Variants in CAPN2 observed in about 807,000 individuals in gnomAD.
The protein encoded by CAPN2 is calpain 2.
In CAPN2, 92 loss-of-function variants were observed where a neutral mutation model predicts 102.3. That is an observed-to-expected ratio of 0.90 (90% CI 0.76 to 1.07). The LOEUF is 1.07. CAPN2 is among the 50% of genes least tolerant of loss of function. CAPN2 has a pLI of 0.00. For missense variants in CAPN2, 800 were observed against 909.4 expected (o/e 0.88, Z 1.55); for synonymous variants, 340 against 355.4 (o/e 0.96, Z 0.49).
intron 2 of CAPN2, among the ~76,000 whole-genome samples, chr1:223,738,068 A>C (rs753070741): frequency 3.9e-5 from 6 of 152,202 alleles, no homozygotes; most frequent in Non-Finnish European, 8.8e-5. Context: ...TCCTTCTCTT[A>C]GATTTTTTTC....
At chr1:223,712,056 T>C (rs1224330267), upstream of CAPN2, among the ~76,000 whole-genome samples, 1 of 152,230 alleles carries the variant, frequency 6.6e-6, no homozygotes, top group Non-Finnish European at 1.5e-5. Context: ...TCTCCGAGGC[T>C]CAGTTTTCTC....
chr1:223,755,116 C>T lies in CAPN2; in HGVS notation c.1136-364C>T, dbSNP rs3820481. Among the ~76,000 whole-genome samples, 666 of 152,302 alleles carry T rather than the reference C, an allele frequency of 4.4e-3. 29 individuals are homozygous for T. In the East Asian group the frequency reaches 0.11, roughly 24 times the overall value. On this transcript the variant is annotated intron_variant, in intron 9 of 20. Transcript: ENST00000295006. This position sits in a 1 kb window ranked among gnomAD's most constrained non-coding sequence, Gnocchi z 4.1. ...AGCCTAACAAAGCCTGCAGTCCACACTCCAACCCTGGTGTCTCCCACCTCC... is the reference window on the plus strand; with the variant it reads ...AGCCTAACAAAGCCTGCAGTCCACATTCCAACCCTGGTGTCTCCCACCTCC...
chr1:223,745,849 C>T (rs1660739275), intron 4 of CAPN2, among the ~76,000 whole-genome samples: 1 of 152,210 alleles, frequency 6.6e-6, no homozygotes, highest in Admixed American at 6.5e-5. Flanking sequence ...CTTGACAGGA[C>T]ACATTTGTAT....
rs988622068 is a variant in CAPN2, at chr1:223,731,479, C to G, written c.308-12621C>G. ...CCGCTCTAAGCCTTCCTCGCCCACC[C>G]CAGCCCTCCTACAGTCCCAGTCTGC... On this transcript the variant is annotated intron_variant, in intron 2 of 20. Transcript: ENST00000295006. The surrounding 1 kb of genome is among the most constrained non-coding windows in gnomAD (Gnocchi z 4.2). Among the ~76,000 whole-genome samples the G allele has an allele frequency of 6.6e-6, 1 of 152,114 alleles. No homozygotes were observed. The highest frequency in any genetic ancestry group is 2.4e-5 in the African/African-American group (1 of 41,420).
chr1:223,769,698 T>G (rs1432736171), intron 16 of CAPN2, 143 bp from the exon 17 acceptor site: 8 of 681,798 alleles, frequency 1.2e-5, no homozygotes, highest in African/African-American at 8.9e-5. Context: ...GTTTAGCCAG[T>G]GGGAAAAGCA....
chr1:223,746,949 G>A (rs954657196), intron 4 of CAPN2, 48 bp from the exon 5 acceptor site: 17 of 1,536,128 alleles, frequency 1.1e-5, no homozygotes, highest in Non-Finnish European at 1.5e-5. Flanking sequence ...AGAGATTATA[G>A]CATCAGTAGT....
rs1571821944 is a variant in CAPN2, at chr1:223,769,696, A to G, written c.1756-145A>G. The stretch of plus-strand genomic sequence containing the variant: ...CAATCCTTTAAATGGAGGTTTAGCC[A>G]GTGGGAAAAGCAGGAAAAGGATCCT... On this transcript the variant is annotated intron_variant, in intron 16 of 20. Transcript: ENST00000295006. The G allele has an allele frequency of 4.4e-6, 3 of 676,154 alleles. No homozygotes were observed. In the Middle Eastern group the frequency reaches 8.0e-4, roughly 181 times the overall value. The allele number at this position is 676,154 out of a possible 1,614,324, so 41.9% of individuals were successfully genotyped here.
At position 223,746,475 on chromosome 1, in the gene CAPN2, CT is replaced by C. The variant is rs60366533; in HGVS notation, c.561-501del. Among the ~76,000 whole-genome samples the C allele has an allele frequency of 0.011, 1,166 of 108,440 alleles. 36 individuals carry two copies. In the East Asian group the frequency reaches 0.12, roughly 11 times the overall value. The allele number at this position is 108,440 out of a possible 152,430, so 71.1% of individuals were successfully genotyped here. A position where few individuals can be genotyped will look rare whatever the true frequency, so the allele number is the denominator to read the frequency against. On this transcript the variant is annotated intron_variant, in intron 4 of 20. Coordinates refer to ENST00000295006, the MANE Select transcript of CAPN2 (RefSeq NM_001748.5). The stretch of plus-strand genomic sequence containing the variant: ...TCCGACTCTAAGGTTCTACGAGAAT[CT>C]TTTTTTTTTTTTTTTTTTTTAATAC...
rs1047778373 is a variant in CAPN2 at position 223,726,039 on chromosome 1, G to A, written c.307+8208G>A. On this transcript the variant is annotated intron_variant, in intron 2 of 20. Transcript: ENST00000295006. This position sits in a 1 kb window ranked among gnomAD's most constrained non-coding sequence, Gnocchi z 4.4. ...GGATCCGAGTGAGAAAGTTTCCCAC[G>A]TTCATTCTTGTTGGGCCCATTCTCA... Among the ~76,000 whole-genome samples, 3 of 152,056 alleles carry A rather than the reference G, an allele frequency of 2.0e-5. No homozygotes were observed. Among genetic ancestry groups the A allele is most frequent in the African/African-American group, 2.4e-5 (1 of 41,382 alleles).
intron 1 of CAPN2, among the ~76,000 whole-genome samples, chr1:223,715,175 A>G (rs934698224): frequency 4.6e-5 from 7 of 152,306 alleles, no homozygotes; most frequent in African/African-American, 1.4e-4. Flanking sequence ...TTTCCGCTGG[A>G]TTTGAACACT....
intron 19 of CAPN2, 43 bp from the exon 20 acceptor site, chr1:223,772,138 T>A: frequency 6.4e-7 from 1 of 1,557,618 alleles, no homozygotes; most frequent in Non-Finnish European, 8.9e-7. Flanking sequence ...GTGATCTGTT[T>A]CAGCTCACTC....
chr1:223,724,204 A>G (rs537996672), intron 2 of CAPN2, among the ~76,000 whole-genome samples: 87 of 152,258 alleles, frequency 5.7e-4, no homozygotes, highest in African/African-American at 2.1e-3. Flanking sequence ...GAGGAATTAT[A>G]TCTCCACCTT....
At chr1:223,736,700 G>C (rs1001850132) in intron 2 of CAPN2, among the ~76,000 whole-genome samples, 1 of 152,000 alleles carries the variant, frequency 6.6e-6, no homozygotes, top group African/African-American at 2.4e-5. Flanking sequence ...CTTCCCCCTG[G>C]GTATTTGCAG....
intron 1 of CAPN2, among the ~76,000 whole-genome samples, chr1:223,705,114 G>A (rs1022834784): frequency 2.0e-5 from 3 of 152,184 alleles, no homozygotes; most frequent in Non-Finnish European, 4.4e-5. Flanking sequence ...AGCCAGTGTC[G>A]GCACTACAGT....
At position 223,774,819 on chromosome 1, in the gene CAPN2, T is replaced by C. The variant is rs1661571995; in HGVS notation, c.2080-15T>C. ...AGTGGTCACTGAGCTGACTTTTTTTTTTCCTTCCTCACAGTGGCTCTGTTT... is the reference window on the plus strand; with the variant it reads ...AGTGGTCACTGAGCTGACTTTTTTTCTTCCTTCCTCACAGTGGCTCTGTTT... On this transcript the variant is annotated splice_polypyrimidine_tract_variant and intron_variant, in intron 20 of 20. Coordinates refer to ENST00000295006, the MANE Select transcript of CAPN2 (RefSeq NM_001748.5). The C allele has an allele frequency of 6.2e-7, 1 of 1,613,232 alleles. No individual in the cohort carries two copies. The highest frequency in any genetic ancestry group is 1.3e-5 in the African/African-American group (1 of 75,016).
At chr1:223,716,488 G>C (rs1190489899) in intron 1 of CAPN2, among the ~76,000 whole-genome samples, 2 of 152,140 alleles carry the variant, frequency 1.3e-5, no homozygotes, top group Non-Finnish European at 2.9e-5. Flanking sequence ...GGAGCAGAGA[G>C]AAACAAGGCA....
rs535748051 is a variant in CAPN2, at chr1:223,722,336, A to G, written c.307+4505A>G. 1.5e-4 allele frequency among the ~76,000 whole-genome samples: 18 copies of G among 116,992 alleles called. No homozygotes were observed. In the South Asian group the frequency reaches 1.7e-3, roughly 11 times the overall value. The allele number at this position is 116,992 out of a possible 152,430, so 76.8% of individuals were successfully genotyped here. A position where few individuals can be genotyped will look rare whatever the true frequency, so the allele number is the denominator to read the frequency against. On this transcript the variant is annotated intron_variant, in intron 2 of 20. Coordinates refer to ENST00000295006, the MANE Select transcript of CAPN2 (RefSeq NM_001748.5). ...AGGGTCTTGCTCTGTTGCCCAGACT[A>G]AAGTGCAGTAACAAAACCATAGCTC...
At position 223,759,356 on chromosome 1, in the gene CAPN2, C is replaced by T. The variant is rs1571813725; in HGVS notation, c.1404C>T (p.Leu468=). 1 of 1,614,222 alleles carries T rather than the reference C, an allele frequency of 6.2e-7. No homozygotes were observed. Among genetic ancestry groups the T allele is most frequent in the Non-Finnish European group, 8.5e-7 (1 of 1,180,034 alleles). The change falls in exon 12 of 21, where the codon CTC becomes CTT. Residue 468 remains leucine, a synonymous_variant. Coordinates refer to ENST00000295006, the MANE Select transcript of CAPN2 (RefSeq NM_001748.5). The surrounding 1 kb of genome is among the most constrained non-coding windows in gnomAD (Gnocchi z 4.6). ...AGCGCTCAGACACCTTCATCAACCT[C>T]CGGGAGGTGCTCAACCGCTTCAAGC... ...ARERSDTFIN[L]REVLNRFKLP... is the part of the protein sequence containing the mutation.
At position 223,748,722 on chromosome 1, in the gene CAPN2, C is replaced by A. The variant is rs543455618; in HGVS notation, c.730-317C>A. ...TCGAGGACCCCCTCCAGCCCTCTCT[C>A]GGCCGTGCGCCCTTTCCCGCCCTTC... On this transcript the variant is annotated intron_variant, in intron 5 of 20. Coordinates refer to ENST00000295006, the MANE Select transcript of CAPN2 (RefSeq NM_001748.5). Among the ~76,000 whole-genome samples, 101 of 151,156 alleles carry A rather than the reference C, an allele frequency of 6.7e-4. 1 individual carries two copies. The highest frequency in any genetic ancestry group is 2.5e-3 in the African/African-American group (100 of 40,508).
Sources: allele counts gnomAD v4.1 joint callset (sites outside exome capture counted in the v4.1 genomes callset), GRCh38; gene constraint gnomAD v4.1.1; non-coding constraint Gnocchi (gnomAD v3.1); transcripts MANE v1.5; gene names NCBI Gene and HGNC (gene_info 2026-07-23, HGNC 2026-07-21).